CDC14B: variants seen among roughly 807,000 people sequenced by gnomAD.
The protein encoded by CDC14B is dual specificity protein phosphatase CDC14B.
Under a neutral mutation model 64.2 loss-of-function variants are expected in CDC14B, and 22 were observed. The observed-to-expected ratio is 0.34, with a 90% CI of 0.24 to 0.49. The LOEUF (loss-of-function observed/expected upper bound fraction) is 0.49. Ranked by LOEUF, CDC14B falls within the 20% of genes least tolerant of loss-of-function variation. The probability of loss-of-function intolerance (pLI) is 0.99; values close to 1 mark genes in which losing one functional copy is unlikely to be tolerated. For missense variants in CDC14B, 498 were observed against 629.9 expected (o/e 0.79, Z 2.24); for synonymous variants, 191 against 215.8 (o/e 0.89, Z 1.01).
chr9:96,494,866 G>C (rs376312915), intron 13 of CDC14B, among the ~76,000 whole-genome samples: 1 of 143,616 alleles, frequency 7.0e-6, no homozygotes, highest in Admixed American at 7.2e-5. Flanking sequence ...TCGGAGTCTC[G>C]CTCTGTCGCC....
intron 3 of CDC14B, 66 bp downstream of exon 3, chr9:96,564,711 T>C: frequency 1.1e-6 from 1 of 915,820 alleles, no homozygotes; most frequent in Non-Finnish European, 1.7e-6. Flanking sequence ...AAGAGATGTT[T>C]TCCTTACTTT....
chr9:96,527,358 C>T (rs1274775652), intron 9 of CDC14B, among the ~76,000 whole-genome samples: 1 of 152,146 alleles, frequency 6.6e-6, no homozygotes, highest in African/African-American at 2.4e-5. Context: ...GAGATCGTGC[C>T]ACTGCACTCC....
At position 96,593,453 on chromosome 9, in the gene CDC14B, C is replaced by T. The variant is rs534252904; in HGVS notation, c.160+25766G>A. ...AGTGAGCTGAGATGGCACCACTGCA[C>T]TCCAGAACGGGCGACAGAGCAAGAC... On this transcript the variant is annotated intron_variant, in intron 1 of 13. Coordinates refer to ENST00000375241, the MANE Select transcript of CDC14B (RefSeq NM_033331.4). Among the ~76,000 whole-genome samples, 11 of 148,132 alleles carry T rather than the reference C, an allele frequency of 7.4e-5. No individual in the cohort carries two copies. The South Asian group carries it at 2.3e-3, about 32-fold the overall frequency.
intron 12 of CDC14B, among the ~76,000 whole-genome samples, chr9:96,521,756 A>G (rs896570982): frequency 9.9e-5 from 15 of 152,252 alleles, no homozygotes; most frequent in Admixed American, 7.9e-4. Flanking sequence ...CCCGCAAAAA[A>G]GAAGGCTGGA....
At chr9:96,586,899 G>A (rs1420622492) in intron 1 of CDC14B, among the ~76,000 whole-genome samples, 3 of 152,070 alleles carry the variant, frequency 2.0e-5, no homozygotes, top group African/African-American at 4.8e-5. Context: ...CAGGCCAGGC[G>A]CGGTGGCTCA....
At chr9:96,532,528 T>C (rs561700714) in intron 9 of CDC14B, among the ~76,000 whole-genome samples, 4 of 152,322 alleles carry the variant, frequency 2.6e-5, no homozygotes, top group South Asian at 4.1e-4. Flanking sequence ...TCTGGGGAGT[T>C]TTCAGCCAAA....
intron 1 of CDC14B, among the ~76,000 whole-genome samples, chr9:96,604,988 A>T (rs16905643): frequency 0.017 from 2,533 of 152,072 alleles, 69 homozygotes; most frequent in African/African-American, 0.058. Context: ...CATTTTAAAC[A>T]CCCAGTTTAG....
In CDC14B at chr9:96,501,329, G is replaced by C. The variant is rs895540030; in HGVS notation, c.*2424C>G. The C allele has an allele frequency of 2.6e-5, 4 of 152,312 alleles. No individual in the cohort carries two copies. The highest frequency in any genetic ancestry group is 9.6e-5 in the African/African-American group (4 of 41,568). The allele number at this position is 152,312 out of a possible 1,614,324, so 9.4% of individuals were successfully genotyped here. A position where few individuals can be genotyped will look rare whatever the true frequency, so the allele number is the denominator to read the frequency against. On this transcript the variant is annotated 3_prime_UTR_variant, in exon 14 of 14. Transcript: ENST00000375241. ...CTTTCAGGGCTATTTAAGGCTCTTAGGTTAAGGGGATCTCTCCATCTGACA... is the reference window on the plus strand; with the variant it reads ...CTTTCAGGGCTATTTAAGGCTCTTACGTTAAGGGGATCTCTCCATCTGACA...
At chr9:96,595,769 G>A (rs1172263099) in intron 1 of CDC14B, among the ~76,000 whole-genome samples, 2 of 152,190 alleles carry the variant, frequency 1.3e-5, no homozygotes, top group Admixed American at 6.5e-5. Flanking sequence ...TAAGTAGTGA[G>A]AGAAAGTAGA....
At chr9:96,558,655 T>C (rs1290090128) in intron 4 of CDC14B, among the ~76,000 whole-genome samples, 2 of 152,210 alleles carry the variant, frequency 1.3e-5, no homozygotes, top group Non-Finnish European at 2.9e-5. Flanking sequence ...TCCAAAAGGA[T>C]TTTTATTATG....
chr9:96,607,382 G>A (rs901377340), intron 1 of CDC14B, among the ~76,000 whole-genome samples: 2 of 135,290 alleles, frequency 1.5e-5, no homozygotes, highest in African/African-American at 5.5e-5. Context: ...TTGGAGCAAA[G>A]CTGTTATTCA....
chr9:96,573,174 G>C (rs544937953), intron 1 of CDC14B, among the ~76,000 whole-genome samples: 2 of 152,228 alleles, frequency 1.3e-5, no homozygotes, highest in East Asian at 1.9e-4. Flanking sequence ...GCTGGGTATG[G>C]GTGGCCCGCG....
rs1833637550 is a variant in CDC14B, at chr9:96,502,499, C to T, written c.*1254G>A. ...TCGACATCTCAGCCCTCCATGCTCC[C>T]GGCACAGGCAAAAATGGCTTAACAA... On this transcript the variant is annotated 3_prime_UTR_variant, in exon 14 of 14. Coordinates refer to ENST00000375241, the MANE Select transcript of CDC14B (RefSeq NM_033331.4). 5.5e-6 allele frequency: 1 copy of T among 182,202 alleles called. No individual in the cohort carries two copies. The highest frequency in any genetic ancestry group is 1.1e-5 in the Non-Finnish European group (1 of 88,182). 11.3% of individuals were successfully genotyped at this position (182,202 alleles called of 1,614,324 possible).
At chr9:96,596,118 C>T (rs1460227647) in intron 1 of CDC14B, among the ~76,000 whole-genome samples, 1 of 151,964 alleles carries the variant, frequency 6.6e-6, no homozygotes, top group Non-Finnish European at 1.5e-5. Context: ...AATCCCAGCA[C>T]TTTGGGAGGC....
chr9:96,555,620 G>A (rs996974485), intron 4 of CDC14B, among the ~76,000 whole-genome samples: 2 of 152,214 alleles, frequency 1.3e-5, no homozygotes, highest in African/African-American at 4.8e-5. Flanking sequence ...TGTTAAAAGT[G>A]AATAGACAAA....
At chr9:96,584,103 G>A (rs1013884720) in intron 1 of CDC14B, among the ~76,000 whole-genome samples, 8 of 152,144 alleles carry the variant, frequency 5.3e-5, no homozygotes, top group Non-Finnish European at 1.2e-4. Flanking sequence ...TCATAAAAGG[G>A]GTCAGAGTAC....
intron 4 of CDC14B, among the ~76,000 whole-genome samples, chr9:96,560,594 T>G (rs1420564563): frequency 6.7e-6 from 1 of 148,662 alleles, no homozygotes; most frequent in Non-Finnish European, 1.5e-5. Context: ...CTTTTTTTTT[T>G]TTTTTTTGAG....
chr9:96,585,383 C>T (rs896936980), intron 1 of CDC14B, among the ~76,000 whole-genome samples: 2 of 152,006 alleles, frequency 1.3e-5, no homozygotes, highest in African/African-American at 4.8e-5. Flanking sequence ...CAGACAGGCC[C>T]CAGTGGGTGA....
chr9:96,597,803 C>T lies in CDC14B; in HGVS notation c.160+21416G>A, dbSNP rs1176463434. On this transcript the variant is annotated intron_variant, in intron 1 of 13. Coordinates refer to ENST00000375241, the MANE Select transcript of CDC14B (RefSeq NM_033331.4). ...GGAGAAATGTTTAAGAGTTTACTGT[C>T]CTCATTTAAGTTGCTTTAAAAGATG... Among the ~76,000 whole-genome samples, 7 of 152,242 alleles carry T rather than the reference C, an allele frequency of 4.6e-5. No homozygotes were observed. In the East Asian group the frequency reaches 1.4e-3, roughly 29 times the overall value.
Sources: gnomAD v4.1 joint callset for allele counts (sites outside exome capture counted in the v4.1 genomes callset) on GRCh38, gnomAD v4.1.1 for gene constraint, MANE v1.5 for transcripts, NCBI Gene and HGNC (gene_info 2026-07-23, HGNC 2026-07-21) for gene names.